NRXN2: variants seen among roughly 807,000 people sequenced by gnomAD.
The protein encoded by NRXN2 is neurexin-2-beta.
In NRXN2, 29 loss-of-function variants were observed where a neutral mutation model predicts 128.8. The observed-to-expected ratio is 0.23, with a 90% confidence interval of 0.17 to 0.31. The LOEUF (loss-of-function observed/expected upper bound fraction) is 0.31. Ranked by LOEUF, NRXN2 falls within the 10% of genes least tolerant of loss-of-function variation. NRXN2 has a pLI of 1.00. For synonymous variants in NRXN2, 1,098 were observed against 1,075.2 expected (o/e 1.02, Z -0.41); for missense variants, 1,881 against 2,452.6 (o/e 0.77, Z 4.92).
chr11:64,634,123 C>T (rs1443004202), intron 18 of NRXN2, among the ~76,000 whole-genome samples: 2 of 152,182 alleles, frequency 1.3e-5, no homozygotes, highest in Admixed American at 1.3e-4. Context: ...CCTCTCTCCC[C>T]TTCCAACTAA....
intron 2 of NRXN2, among the ~76,000 whole-genome samples, chr11:64,701,770 G>C (rs1207732621): frequency 6.6e-6 from 1 of 152,216 alleles, no homozygotes. Flanking sequence ...CGTCCGGGGG[G>C]GAAGTGGGGG....
intron 2 of NRXN2, among the ~76,000 whole-genome samples, chr11:64,699,028 C>T (rs1272124306): frequency 4.6e-5 from 7 of 152,228 alleles, no homozygotes; most frequent in Admixed American, 1.3e-4. Flanking sequence ...TTCACACTCA[C>T]GCATGCACAC....
intron 17 of NRXN2, chr11:64,642,508 C>T: frequency 6.3e-7 from 1 of 1,596,764 alleles, no homozygotes; most frequent in Non-Finnish European, 8.5e-7. Context: ...CCCGGGCCAA[C>T]CGGGTGGCCG....
chr11:64,701,671 C>G (rs2055380308), intron 2 of NRXN2, among the ~76,000 whole-genome samples: 1 of 152,140 alleles, frequency 6.6e-6, no homozygotes, highest in Non-Finnish European at 1.5e-5. Flanking sequence ...CCTGGGTGGT[C>G]AAGGCTGCAG....
intron 2 of NRXN2, among the ~76,000 whole-genome samples, chr11:64,711,902 G>C (rs2056933067): frequency 6.6e-6 from 1 of 152,138 alleles, no homozygotes; most frequent in South Asian, 2.1e-4. Flanking sequence ...TCGCTTCCTG[G>C]CCACAGCCTC....
chr11:64,712,794 C>T (rs1468438360), intron 2 of NRXN2, 176 bp downstream of exon 2: 6 of 722,666 alleles, frequency 8.3e-6, no homozygotes, highest in Middle Eastern at 3.1e-4. Flanking sequence ...ACCGCCAACC[C>T]CACGCGCCCT....
At position 64,648,417 on chromosome 11, in the gene NRXN2, C is replaced by A; in HGVS notation, c.3284-79G>T. ...CCCAGGAGGTGTGGAAGCTTCAGAG[C>A]CAGGCAGAGAGGTCCTACTCTGAGC... is the stretch of plus-strand genomic sequence containing the variant. On this transcript the variant is annotated intron_variant, in intron 16 of 22. Coordinates refer to ENST00000265459, the MANE Select transcript of NRXN2 (RefSeq NM_015080.4). The surrounding 1 kb of genome is among the most constrained non-coding windows in gnomAD (Gnocchi z 4.1). The A allele has an allele frequency of 6.2e-7, 1 of 1,606,812 alleles. No homozygotes were observed. Among genetic ancestry groups the A allele is most frequent in the Non-Finnish European group, 8.5e-7 (1 of 1,175,456 alleles).
At chr11:64,700,985 A>T (rs2055265659) in intron 2 of NRXN2, among the ~76,000 whole-genome samples, 3 of 152,166 alleles carry the variant, frequency 2.0e-5, no homozygotes, top group Admixed American at 2.0e-4. Context: ...TCCACCTTCT[A>T]AAACCCTAAA....
intron 11 of NRXN2, among the ~76,000 whole-genome samples, chr11:64,653,993 G>T (rs1004138347): frequency 4.6e-5 from 7 of 152,158 alleles, no homozygotes; most frequent in African/African-American, 1.7e-4. Flanking sequence ...CCTTCTTAGA[G>T]GGTACCAGGC....
At position 64,635,437 on chromosome 11, in the gene NRXN2, A is replaced by G. The variant is rs1296924450; in HGVS notation, c.3419T>C (p.Ile1140Thr). Residue 1140 changes from isoleucine (I) to threonine (T), a missense_variant, in exon 18 of 23, where the codon ATC (isoleucine) becomes ACC (threonine). Coordinates refer to ENST00000265459, the MANE Select transcript of NRXN2 (RefSeq NM_015080.4). The surrounding 1 kb of genome is among the most constrained non-coding windows in gnomAD (Gnocchi z 4.8). ...PVCNDPGTTY[I>T]FGKGGALITY... ...GATGAGCGCTCCCCCCTTCCCAAAG[A>G]TGTATGTGGTCCCGGCTGCAGAGAG... is the stretch of plus-strand genomic sequence containing the variant. 4 of 1,613,620 alleles carry G rather than the reference A, an allele frequency of 2.5e-6. No individual in the cohort carries two copies.
intron 2 of NRXN2, among the ~76,000 whole-genome samples, chr11:64,704,623 C>CACACACACACAGAG (rs1336665936): frequency 2.5e-5 from 2 of 81,178 alleles, no homozygotes; most frequent in African/African-American, 9.5e-5. Flanking sequence ...CACACACACA[C>CACACACACACAGAG]AGAGAGAGAG....
At chr11:64,697,677 G>T in intron 3 of NRXN2, 98 bp downstream of exon 3, 1 of 1,422,518 alleles carries the variant, frequency 7.0e-7, no homozygotes, top group Non-Finnish European at 9.9e-7. Flanking sequence ...CCTAAACATG[G>T]CAGGAAAGGG....
chr11:64,651,759 G>T lies in NRXN2; in HGVS notation c.2537-123C>A. On this transcript the variant is annotated intron_variant, in intron 13 of 22. Transcript: ENST00000265459. This position sits in a 1 kb window ranked among gnomAD's most constrained non-coding sequence, Gnocchi z 5.9. Reference sequence around the variant, plus strand: ...GAGTGACATCTTTAGAGATGTCCTCGGCTAGGCACTAGCAGCCAGCACAGC... The same window carrying T: ...GAGTGACATCTTTAGAGATGTCCTCTGCTAGGCACTAGCAGCCAGCACAGC... 1 of 1,139,564 alleles carries T rather than the reference G, an allele frequency of 8.8e-7. No homozygotes were observed. The allele number at this position is 1,139,564 out of a possible 1,614,324, so 70.6% of individuals were successfully genotyped here.
rs367592326 is a variant in NRXN2 at position 64,616,728 on chromosome 11, T to C, written c.4252+3566A>G. Among the ~76,000 whole-genome samples, 6 of 152,260 alleles carry C rather than the reference T, an allele frequency of 3.9e-5. No individual in the cohort carries two copies. The East Asian group carries it at 1.2e-3, about 29-fold the overall frequency. On this transcript the variant is annotated intron_variant, in intron 22 of 22. Coordinates refer to ENST00000265459, the MANE Select transcript of NRXN2 (RefSeq NM_015080.4). ...TGTGTGTGATTCTGAACATTCAGCA[T>C]GGGTGTCAGTAGATATGAGTGTGTG...
chr11:64,609,517 T>G (rs915291345), intron 22 of NRXN2, among the ~76,000 whole-genome samples: 2 of 152,176 alleles, frequency 1.3e-5, no homozygotes, highest in Admixed American at 6.5e-5. Context: ...GGGCAGAAAC[T>G]GCAATTCCCA....
chr11:64,711,108 T>C (rs2056842526), intron 2 of NRXN2, among the ~76,000 whole-genome samples: 1 of 152,148 alleles, frequency 6.6e-6, no homozygotes, highest in Non-Finnish European at 1.5e-5. Flanking sequence ...AAGTGCAGAC[T>C]TCCCACACCC....
chr11:64,702,971 TAAAAAAAAA>T (rs557268486), intron 2 of NRXN2, among the ~76,000 whole-genome samples: 2 of 51,134 alleles, frequency 3.9e-5, no homozygotes. Context: ...CCCAGGTCTC[TAAAAAAAAA>T]AAAAAAAAAA....
chr11:64,647,113 CTG>C (rs1401685351), intron 17 of NRXN2, among the ~76,000 whole-genome samples: 1 of 152,126 alleles, frequency 6.6e-6, no homozygotes, highest in Non-Finnish European at 1.5e-5. Flanking sequence ...AAGGCACTGA[CTG>C]GAGTCTCACC....
intron 17 of NRXN2, among the ~76,000 whole-genome samples, chr11:64,645,242 G>A (rs1447622199): frequency 6.6e-6 from 1 of 152,142 alleles, no homozygotes; most frequent in Admixed American, 6.5e-5. Context: ...GAGGGAGGGA[G>A]GAGCCGGTGG....
Sources: gnomAD v4.1 joint callset for allele counts (sites outside exome capture counted in the v4.1 genomes callset) on GRCh38, gnomAD v4.1.1 for gene constraint, Gnocchi (gnomAD v3.1) non-coding constraint, MANE v1.5 for transcripts, NCBI Gene and HGNC (gene_info 2026-07-23, HGNC 2026-07-21) for gene names.